NPR3: variants seen among roughly 807,000 people sequenced by gnomAD.
NPR3 encodes the protein natriuretic peptide receptor 3, also known as atrial natriuretic peptide receptor 3.
In NPR3, 34 loss-of-function variants were observed where a neutral mutation model predicts 54.5. The observed-to-expected ratio is 0.62, with a 90% CI of 0.47 to 0.83. The LOEUF is 0.83. Ranked by LOEUF, NPR3 falls within the 40% of genes least tolerant of loss-of-function variation. The pLI, the probability that NPR3 is intolerant of heterozygous loss-of-function variation, is 0.00. For missense variants in NPR3, 674 were observed against 720.8 expected, an observed-to-expected ratio of 0.94 and a Z score of 0.74; for synonymous variants, 289 against 297.1, an observed-to-expected ratio of 0.97 and a Z score of 0.28.
intron 2 of NPR3, among the ~76,000 whole-genome samples, chr5:32,730,469 A>C (rs567378995): frequency 6.6e-6 from 1 of 152,214 alleles, no homozygotes; most frequent in Non-Finnish European, 1.5e-5. Context: ...TGGGGGTTCT[A>C]GCCAGATAAA....
intron 1 of NPR3, among the ~76,000 whole-genome samples, chr5:32,721,227 G>C (rs1738842283): frequency 6.6e-6 from 1 of 152,196 alleles, no homozygotes; most frequent in Non-Finnish European, 1.5e-5. Context: ...CATGAACTTG[G>C]AAATTAGGGC....
intron 3 of NPR3, among the ~76,000 whole-genome samples, chr5:32,755,010 G>A (rs1353009686): frequency 2.0e-5 from 3 of 152,204 alleles, no homozygotes; most frequent in African/African-American, 4.8e-5. Context: ...ACAGGCGCCC[G>A]CCACCACGCC....
chr5:32,717,392 G>A (rs934803385), intron 1 of NPR3, among the ~76,000 whole-genome samples: 1 of 152,168 alleles, frequency 6.6e-6, no homozygotes, highest in Non-Finnish European at 1.5e-5. Flanking sequence ...TGGGTCAAAT[G>A]AGAATTCTAG....
intron 3 of NPR3, 111 bp from the exon 4 acceptor site, chr5:32,774,597 C>T: frequency 1.3e-6 from 1 of 794,174 alleles, no homozygotes; most frequent in Non-Finnish European, 2.2e-6. Context: ...CCCACCTCTG[C>T]CATGGCTAAC....
intron 2 of NPR3, among the ~76,000 whole-genome samples, chr5:32,727,642 T>C (rs1363300727): frequency 6.6e-6 from 1 of 152,220 alleles, no homozygotes; most frequent in African/African-American, 2.4e-5. Flanking sequence ...TTATGTTTTT[T>C]GGTTGTTATT....
At position 32,789,514 on chromosome 5, in the gene NPR3, C is replaced by T. The variant is rs766336691; in HGVS notation, c.*3169C>T. ...ACTATAATTCTTCACATTTCAGAAC[C>T]CATGTTTAATGGAGGGAAGAGAGAA... On this transcript the variant is annotated 3_prime_UTR_variant, in exon 8 of 8. Coordinates refer to ENST00000265074, the MANE Select transcript of NPR3 (RefSeq NM_001204375.2). 2.2e-5 allele frequency: 12 copies of T among 534,554 alleles called. No individual in the cohort carries two copies. In the Admixed American group the frequency reaches 2.3e-4, roughly 10 times the overall value. The allele number at this position is 534,554 out of a possible 1,614,324, so 33.1% of individuals were successfully genotyped here. A position where few individuals can be genotyped will look rare whatever the true frequency, so the allele number is the denominator to read the frequency against.
chr5:32,724,879 C>T, intron 2 of NPR3, 59 bp downstream of exon 2: 2 of 1,589,612 alleles, frequency 1.3e-6, no homozygotes. Context: ...TTGTCAGATG[C>T]CCATGAATGG....
At chr5:32,743,416 T>C (rs573181880) in intron 3 of NPR3, among the ~76,000 whole-genome samples, 40 of 151,982 alleles carry the variant, frequency 2.6e-4, no homozygotes, top group Non-Finnish European at 4.4e-4. Flanking sequence ...GTGTATTAAG[T>C]TCTATGCAAT....
chr5:32,728,837 G>GTATATATATATATATA (rs70961659), intron 2 of NPR3, among the ~76,000 whole-genome samples: 10 of 47,998 alleles, frequency 2.1e-4, no homozygotes, highest in Admixed American at 3.3e-4. Flanking sequence ...GTGTGTGTGT[G>GTATATATATATATATA]TATATATATA....
intron 4 of NPR3, among the ~76,000 whole-genome samples, chr5:32,778,933 C>G (rs902423485): frequency 6.6e-6 from 1 of 152,130 alleles, no homozygotes; most frequent in Non-Finnish European, 1.5e-5. Flanking sequence ...ATATTTTAAG[C>G]CTATTTATCA....
At position 32,712,056 on chromosome 5, in the gene NPR3, C is replaced by T; in HGVS notation, c.280C>T (p.Pro94Ser). 6.2e-7 allele frequency: 1 copy of T among 1,613,838 alleles called. No individual in the cohort carries two copies. The highest frequency in any genetic ancestry group is 1.1e-5 in the South Asian group (1 of 91,086). ...CAACGGGACTGGGAGGCGGCTTCTG[C>T]CGCCGGGCACTCGCTTCCAGGTGGC... Reference protein sequence around the residue: ...EGNGTGRRLLPPGTRFQVAYE... With the variant: ...EGNGTGRRLLSPGTRFQVAYE... The change falls in exon 1 of 8, where the codon CCG becomes TCG. Residue 94 changes from proline to serine, a missense_variant. By Grantham distance (74) the Pro-to-Ser change is moderately conservative. Transcript: ENST00000265074.
At chr5:32,733,135 G>A (rs191392365) in intron 2 of NPR3, among the ~76,000 whole-genome samples, 3 of 152,112 alleles carry the variant, frequency 2.0e-5, no homozygotes, top group Admixed American at 6.5e-5. Flanking sequence ...GTGAGCCACC[G>A]TGCCCGGCCA....
intron 1 of NPR3, among the ~76,000 whole-genome samples, chr5:32,723,871 A>ACCTCCTCTCCTCTCC: frequency 7.2e-6 from 1 of 139,042 alleles, no homozygotes; most frequent in Non-Finnish European, 1.6e-5. Context: ...CCCTCCTCTC[A>ACCTCCTCTCCTCTCC]CCTCCTCTCC....
intron 1 of NPR3, among the ~76,000 whole-genome samples, chr5:32,695,361 T>TA (rs891168980): frequency 6.6e-6 from 1 of 152,150 alleles, no homozygotes; most frequent in African/African-American, 2.4e-5. Flanking sequence ...GCCTGCTGGG[T>TA]TCACGCCATT....
intron 2 of NPR3, among the ~76,000 whole-genome samples, chr5:32,732,301 G>C (rs1003611122): frequency 2.0e-5 from 3 of 150,758 alleles, no homozygotes; most frequent in African/African-American, 7.3e-5. Flanking sequence ...ATCAAAGATG[G>C]TGGCTAGAGC....
upstream of NPR3, chr5:32,710,899 TG>T (rs1464053443): frequency 4.8e-6 from 4 of 837,312 alleles, no homozygotes; most frequent in Non-Finnish European, 6.6e-6. Context: ...TGTATATGTG[TG>T]TGTGTGTGTG....
At chr5:32,692,816 G>A (rs895121315) in intron 1 of NPR3, among the ~76,000 whole-genome samples, 3 of 152,154 alleles carry the variant, frequency 2.0e-5, no homozygotes, top group African/African-American at 7.2e-5. Context: ...CATTAGCAAG[G>A]AAATAATCAA....
chr5:32,724,417 TG>T (rs1722435705), intron 1 of NPR3, among the ~76,000 whole-genome samples: 2 of 152,218 alleles, frequency 1.3e-5, no homozygotes, highest in South Asian at 4.1e-4. Flanking sequence ...TCTGATTAGA[TG>T]TAGGCTGCCT....
intron 2 of NPR3, among the ~76,000 whole-genome samples, chr5:32,725,245 C>T (rs954912095): frequency 2.0e-5 from 3 of 152,182 alleles, no homozygotes; most frequent in South Asian, 4.2e-4. Context: ...CACATGTACC[C>T]GTTGTATCTA....
Sources: gnomAD v4.1 joint callset for allele counts (sites outside exome capture counted in the v4.1 genomes callset) on GRCh38, gnomAD v4.1.1 for gene constraint, MANE v1.5 for transcripts, NCBI Gene and HGNC (gene_info 2026-07-23, HGNC 2026-07-21) for gene names.